Variants in GNB1 observed in about 807,000 individuals in gnomAD.
The protein encoded by GNB1 is guanine nucleotide-binding protein G(I)/G(S)/G(T) subunit beta-1.
In GNB1, 2 loss-of-function variants were observed where a neutral mutation model predicts 42.9. The ratio of observed to expected loss-of-function variants is 0.05; its 90% CI spans 0.02 to 0.15. GNB1 has a LOEUF of 0.15. Ranked by LOEUF, GNB1 falls within the 10% of genes least tolerant of loss-of-function variation. The probability of loss-of-function intolerance (pLI) is 1.00; values close to 1 mark genes in which losing one functional copy is unlikely to be tolerated. For synonymous variants in GNB1, 183 were observed against 174.7 expected, an observed-to-expected ratio of 1.05 and a Z score of -0.38; for missense variants, 193 against 462.2, an observed-to-expected ratio of 0.42 and a Z score of 5.34.
intron 3 of GNB1, among the ~76,000 whole-genome samples, chr1:1,819,111 CAA>C (rs980349174): frequency 4.0e-5 from 6 of 151,654 alleles, no homozygotes; most frequent in African/African-American, 1.5e-4. Context: ...CTGGAAATCT[CAA>C]AAGAGAACGT....
intron 1 of GNB1, among the ~76,000 whole-genome samples, chr1:1,852,479 C>T (rs1457127796): frequency 2.0e-5 from 3 of 152,012 alleles, no homozygotes. Context: ...ACCCGCCCGC[C>T]TCAGTCTCCC....
intron 2 of GNB1, among the ~76,000 whole-genome samples, chr1:1,830,982 G>T (rs1647068176): frequency 6.6e-6 from 1 of 152,230 alleles, no homozygotes; most frequent in South Asian, 2.1e-4. Flanking sequence ...TGGCCAACGT[G>T]GTGAAACTCC....
intron 1 of GNB1, among the ~76,000 whole-genome samples, chr1:1,851,996 T>C (rs904037892): frequency 2.4e-4 from 36 of 150,270 alleles, no homozygotes; most frequent in Admixed American, 6.6e-4. Context: ...TGAGCCAAGA[T>C]AGCGCCATTG....
intron 1 of GNB1, among the ~76,000 whole-genome samples, chr1:1,888,993 C>T (rs1650314540): frequency 6.6e-6 from 1 of 152,176 alleles, no homozygotes; most frequent in African/African-American, 2.4e-5. Context: ...AACCGCCTAT[C>T]CACTTTCTTG....
At chr1:1,788,954 C>A (rs952411435) in intron 10 of GNB1, 99 bp downstream of exon 10, 1 of 854,150 alleles carries the variant, frequency 1.2e-6, no homozygotes, top group Non-Finnish European at 1.9e-6. Flanking sequence ...ACAGTCCCAC[C>A]GATACTAAAA....
intron 6 of GNB1, among the ~76,000 whole-genome samples, chr1:1,805,678 T>C (rs966789702): frequency 1.1e-4 from 17 of 151,856 alleles, no homozygotes; most frequent in Admixed American, 2.0e-4. Context: ...GTAGCTGGGA[T>C]TACAGGCGCC....
intron 1 of GNB1, among the ~76,000 whole-genome samples, chr1:1,865,960 T>C (rs1415936289): frequency 2.0e-5 from 3 of 152,066 alleles, no homozygotes; most frequent in African/African-American, 7.2e-5. Context: ...TTTTTTTTTT[T>C]TGAGTTTCAC....
At chr1:1,882,648 C>G (rs1482305816) in intron 1 of GNB1, among the ~76,000 whole-genome samples, 1 of 152,018 alleles carries the variant, frequency 6.6e-6, no homozygotes, top group Non-Finnish European at 1.5e-5. Flanking sequence ...ATGGGCAGGG[C>G]GTGGTGGCTC....
chr1:1,861,226 G>A (rs1375948594), intron 1 of GNB1, among the ~76,000 whole-genome samples: 6 of 152,082 alleles, frequency 3.9e-5, no homozygotes, highest in Non-Finnish European at 8.8e-5. Context: ...GGAGGCTAAG[G>A]CAGGGAGACT....
chr1:1,804,653 T>C, intron 6 of GNB1, 72 bp from the exon 7 acceptor site: 2 of 1,175,168 alleles, frequency 1.7e-6, no homozygotes, highest in South Asian at 3.1e-5. Context: ...GATTTTCTCA[T>C]CTCCAACTTT....
intron 1 of GNB1, among the ~76,000 whole-genome samples, chr1:1,859,351 C>T (rs1380913227): frequency 6.7e-6 from 1 of 148,620 alleles, no homozygotes. Context: ...GCTACCCTAA[C>T]TTCCTAGGAC....
intron 1 of GNB1, among the ~76,000 whole-genome samples, chr1:1,845,763 G>A (rs911086139): frequency 6.7e-6 from 1 of 150,292 alleles, no homozygotes; most frequent in African/African-American, 2.4e-5. Context: ...ATCTGAATTT[G>A]GAGACAATGG....
intron 7 of GNB1, among the ~76,000 whole-genome samples, chr1:1,802,580 C>T (rs1477386071): frequency 6.6e-6 from 1 of 151,862 alleles, no homozygotes; most frequent in Non-Finnish European, 1.5e-5. Flanking sequence ...ACCAGCCTGA[C>T]CAACATGGCA....
intron 1 of GNB1, among the ~76,000 whole-genome samples, chr1:1,883,806 C>G (rs1417229023): frequency 2.0e-5 from 3 of 152,230 alleles, no homozygotes; most frequent in African/African-American, 7.2e-5. Flanking sequence ...GGCAACAGAG[C>G]TGAGCTGGGC....
chr1:1,839,149 GTCTT>G (rs1647190050), intron 2 of GNB1, 37 bp downstream of exon 2: 1 of 152,052 alleles, frequency 6.6e-6, no homozygotes, highest in Admixed American at 6.6e-5. Context: ...TTTATATATT[GTCTT>G]TCTAAAACTG....
intron 2 of GNB1, among the ~76,000 whole-genome samples, chr1:1,838,942 T>C (rs114643605): frequency 0.028 from 4,193 of 152,098 alleles, 86 homozygotes; most frequent in Middle Eastern, 0.054. Flanking sequence ...TTAAAAGAGA[T>C]AGAAAAAAAC....
intron 1 of GNB1, among the ~76,000 whole-genome samples, chr1:1,852,625 T>C (rs1228403859): frequency 6.6e-6 from 1 of 150,738 alleles, no homozygotes; most frequent in African/African-American, 2.4e-5. Context: ...AGCCCAGGAG[T>C]TGAAGGCAGC....
intron 7 of GNB1, among the ~76,000 whole-genome samples, chr1:1,796,643 C>CTG (rs1407610005): frequency 6.6e-5 from 10 of 152,308 alleles, no homozygotes; most frequent in African/African-American, 2.2e-4. Context: ...GTGCGGGGGC[C>CTG]TGTGCTGCCA....
intron 1 of GNB1, among the ~76,000 whole-genome samples, chr1:1,874,605 T>TAA (rs34864042): frequency 0.065 from 3,066 of 46,996 alleles, 388 homozygotes; most frequent in Admixed American, 0.19. Flanking sequence ...AGACTCCATC[T>TAA]AAAAAAAAAA....
Sources: allele counts gnomAD v4.1 joint callset (sites outside exome capture counted in the v4.1 genomes callset), GRCh38; gene constraint gnomAD v4.1.1; transcripts MANE v1.5; gene names NCBI Gene and HGNC (gene_info 2026-07-23, HGNC 2026-07-21).